The following KCNE1 variants were observed in gnomAD, a reference collection of about 807,000 sequenced individuals.
KCNE1 encodes the protein potassium voltage-gated channel subfamily E regulatory subunit 1, also known as potassium voltage-gated channel subfamily E member 1.
Under a neutral mutation model 2.9 loss-of-function variants are expected in KCNE1, and 1 was observed. That is an observed-to-expected ratio of 0.34 (90% CI 0.12 to 1.62). The LOEUF (loss-of-function observed/expected upper bound fraction) is 1.62. KCNE1 is among the 40% of genes most tolerant of loss of function. KCNE1 has a pLI of 0.36. For synonymous variants in KCNE1, 23 were observed against 65.4 expected (o/e 0.35, Z 3.13); for missense variants, 45 against 150.5 (o/e 0.30, Z 3.67).
intron 2 of KCNE1, among the ~76,000 whole-genome samples, chr21:34,501,795 C>A (rs888914413): frequency 6.6e-6 from 1 of 152,214 alleles, no homozygotes; most frequent in Non-Finnish European, 1.5e-5. Context: ...TCACCCCTAG[C>A]AGGCCCCCAT....
chr21:34,504,987 C>T (rs915138306), intron 2 of KCNE1, among the ~76,000 whole-genome samples: 15 of 152,090 alleles, frequency 9.9e-5, no homozygotes, highest in African/African-American at 3.1e-4. Flanking sequence ...TAAAACTGAC[C>T]GAAGTGATGG....
At chr21:34,507,391 C>A (rs552975452) in intron 2 of KCNE1, among the ~76,000 whole-genome samples, 2 of 152,220 alleles carry the variant, frequency 1.3e-5, no homozygotes, top group East Asian at 1.9e-4. Flanking sequence ...GAGGGGAAAA[C>A]GCTCATATGC....
chr21:34,507,549 C>G (rs1008492760), intron 2 of KCNE1, among the ~76,000 whole-genome samples: 1 of 152,156 alleles, frequency 6.6e-6, no homozygotes, highest in Non-Finnish European at 1.5e-5. Flanking sequence ...CACAAACCTG[C>G]GAGTCAGCCT....
chr21:34,503,832 G>C (rs2834499), intron 2 of KCNE1, among the ~76,000 whole-genome samples: 2,052 of 152,234 alleles, frequency 0.013, 46 homozygotes, highest in African/African-American at 0.046. Flanking sequence ...TGAAAGGTAG[G>C]CTGTTTGGGG....
chr21:34,497,913 G>A (rs1982912973), intron 2 of KCNE1, among the ~76,000 whole-genome samples: 1 of 151,598 alleles, frequency 6.6e-6, no homozygotes, highest in South Asian at 2.1e-4. Context: ...ATCTGATTGG[G>A]TTCATTCAAA....
intron 2 of KCNE1, among the ~76,000 whole-genome samples, chr21:34,505,671 A>G (rs972814604): frequency 1.3e-5 from 2 of 152,200 alleles, no homozygotes; most frequent in Non-Finnish European, 2.9e-5. Flanking sequence ...TCTCATCCTC[A>G]CCGCAATCCC....
At chr21:34,496,694 T>C (rs548110021) in intron 2 of KCNE1, among the ~76,000 whole-genome samples, 1 of 152,304 alleles carries the variant, frequency 6.6e-6, no homozygotes, top group East Asian at 1.9e-4. Context: ...TAGGGTATAG[T>C]TTAAGTTCAT....
chr21:34,499,566 G>A (rs551402908), intron 2 of KCNE1, among the ~76,000 whole-genome samples: 115 of 152,156 alleles, frequency 7.6e-4, no homozygotes, highest in Non-Finnish European at 1.2e-3. Context: ...TGGCTTCCCC[G>A]GGCTAAAGCT....
intron 2 of KCNE1, among the ~76,000 whole-genome samples, chr21:34,500,339 C>G (rs760954589): frequency 6.6e-6 from 1 of 152,180 alleles, no homozygotes; most frequent in East Asian, 1.9e-4. Context: ...GTAACACTTT[C>G]TGTTCCCAGA....
intron 2 of KCNE1, among the ~76,000 whole-genome samples, chr21:34,505,283 G>A (rs573317429): frequency 7.9e-5 from 12 of 151,978 alleles, no homozygotes; most frequent in Admixed American, 1.3e-4. Flanking sequence ...ACAGGCACCC[G>A]ACACCACACC....
intron 2 of KCNE1, among the ~76,000 whole-genome samples, chr21:34,496,563 G>T (rs1347456206): frequency 1.4e-5 from 2 of 144,744 alleles, no homozygotes; most frequent in East Asian, 4.2e-4. Context: ...TTATTGAGAT[G>T]TTTTTTGTGG....
chr21:34,507,210 A>G (rs1983547595), intron 2 of KCNE1, among the ~76,000 whole-genome samples: 1 of 152,134 alleles, frequency 6.6e-6, no homozygotes, highest in African/African-American at 2.4e-5. Context: ...CTGAATTAAG[A>G]GAATGGCTCT....
At chr21:34,497,108 A>G (rs1306952394) in intron 2 of KCNE1, among the ~76,000 whole-genome samples, 1 of 152,078 alleles carries the variant, frequency 6.6e-6, no homozygotes, top group East Asian at 1.9e-4. Context: ...ATGGATTTTT[A>G]TCTATTCTTC....
At chr21:34,507,709 T>G (rs73207020) in intron 2 of KCNE1, among the ~76,000 whole-genome samples, 2 of 152,206 alleles carry the variant, frequency 1.3e-5, no homozygotes, top group African/African-American at 2.4e-5. Flanking sequence ...AACGGTCCCC[T>G]GCATTATAAG....
chr21:34,496,574 C>T (rs1257458702), intron 2 of KCNE1, among the ~76,000 whole-genome samples: 1 of 152,102 alleles, frequency 6.6e-6, no homozygotes, highest in African/African-American at 2.4e-5. Flanking sequence ...TTTTTTGTGG[C>T]CTATCATATG....
intron 2 of KCNE1, among the ~76,000 whole-genome samples, chr21:34,503,184 AG>A (rs1156758987): frequency 2.0e-5 from 3 of 152,188 alleles, no homozygotes; most frequent in Non-Finnish European, 4.4e-5. Context: ...CTACAAATTG[AG>A]GTTCCTACAA....
intron 2 of KCNE1, among the ~76,000 whole-genome samples, chr21:34,502,683 A>C (rs1983239203): frequency 3.3e-5 from 5 of 152,196 alleles, no homozygotes; most frequent in Admixed American, 3.3e-4. Context: ...CCATCAGTCA[A>C]CATGAGTGCA....
At chr21:34,451,700 CT>C (rs1252692846) in intron 3 of KCNE1, among the ~76,000 whole-genome samples, 2 of 66,102 alleles carry the variant, frequency 3.0e-5, no homozygotes, top group African/African-American at 7.1e-5. Flanking sequence ...TCTCTGAACT[CT>C]GGCTGTGTCT....
chr21:34,509,056 A>G (rs1983679484), intron 2 of KCNE1, among the ~76,000 whole-genome samples: 1 of 152,218 alleles, frequency 6.6e-6, no homozygotes, highest in South Asian at 2.1e-4. Context: ...TGTGGGTCAA[A>G]ACAACCCAAA....
Sources: allele counts gnomAD v4.1 joint callset (sites outside exome capture counted in the v4.1 genomes callset), GRCh38; gene constraint gnomAD v4.1.1; transcripts MANE v1.5; gene names NCBI Gene and HGNC (gene_info 2026-07-23, HGNC 2026-07-21).